The following IQCE variants were observed in gnomAD, a reference collection of about 807,000 sequenced individuals.
IQCE encodes the protein IQ domain-containing protein E.
A neutral mutation model predicts 96.0 loss-of-function variants in IQCE; 115 were observed. The ratio of observed to expected loss-of-function variants is 1.20; its 90% CI spans 1.03 to 1.40. The LOEUF (loss-of-function observed/expected upper bound fraction) is 1.40. Among genes scored for constraint, IQCE ranks in the 40% most tolerant of loss-of-function variants. The probability of loss-of-function intolerance (pLI) is 0.00; values close to 1 mark genes in which losing one functional copy is unlikely to be tolerated. For synonymous variants in IQCE, 412 were observed against 371.2 expected (o/e 1.11, Z -1.26); for missense variants, 1,041 against 909.1 (o/e 1.15, Z -1.87).
intron 14 of IQCE, among the ~76,000 whole-genome samples, chr7:2,592,396 C>A (rs906232787): frequency 3.1e-5 from 4 of 130,466 alleles, no homozygotes; most frequent in Non-Finnish European, 5.4e-5. Context: ...TGTCAAGTGG[C>A]GTGACAAGAG....
At chr7:2,578,651 A>C in intron 8 of IQCE, 125 bp downstream of exon 8, 1 of 1,001,842 alleles carries the variant, frequency 1.0e-6, no homozygotes, top group Non-Finnish European at 1.5e-6. Context: ...GAGGCTGCGG[A>C]CCCCCAAACC....
intron 12 of IQCE, among the ~76,000 whole-genome samples, chr7:2,587,375 G>GC (rs1312700220): frequency 6.6e-6 from 1 of 151,680 alleles, no homozygotes; most frequent in Non-Finnish European, 1.5e-5. Flanking sequence ...AGTGAGAGGA[G>GC]CAGGGGGTCA....
At position 2,590,069 on chromosome 7, in the gene IQCE, G is replaced by C; in HGVS notation, c.1207G>C (p.Glu403Gln). 1 of 1,613,370 alleles carries C rather than the reference G, an allele frequency of 6.2e-7. No homozygotes were observed. The highest frequency in any genetic ancestry group is 8.5e-7 in the Non-Finnish European group (1 of 1,179,890). Residue 403 changes from glutamate to glutamine, a missense_variant, in exon 14 of 22, where the codon GAG becomes CAG. By Grantham distance (29) the Glu-to-Gln change is conservative. Coordinates refer to ENST00000402050, the MANE Select transcript of IQCE (RefSeq NM_152558.5). ...LRGAVRDLKE[E>Q]RTALQEQLLQ... is the part of the protein sequence containing the mutation. ...AGGGGCTGTGAGAGACCTGAAGGAA[G>C]AGCGGACCGCGCTGCAGGAGCAGCT...
At chr7:2,563,880 C>T (rs1276262203) in intron 1 of IQCE, among the ~76,000 whole-genome samples, 1 of 119,878 alleles carries the variant, frequency 8.3e-6, no homozygotes, top group South Asian at 2.7e-4. Context: ...GGTGAGAGAG[C>T]GAGACTCCAT....
At chr7:2,583,582 T>C in intron 9 of IQCE, 55 bp from the exon 10 acceptor site, 1 of 1,378,790 alleles carries the variant, frequency 7.3e-7, no homozygotes, top group Non-Finnish European at 1.0e-6. Flanking sequence ...TTCCTCTTGC[T>C]CTGTCCCCTG....
intron 1 of IQCE, among the ~76,000 whole-genome samples, chr7:2,559,765 T>TGGGGGGGG (rs59372092): frequency 1.4e-4 from 5 of 34,856 alleles, no homozygotes; most frequent in African/African-American, 1.3e-4. Context: ...TGCATTCCAG[T>TGGGGGGGG]GGGGGGGGGG....
intron 3 of IQCE, 125 bp from the exon 4 acceptor site, chr7:2,571,396 TGCCAG>T: frequency 1.8e-6 from 2 of 1,123,850 alleles, no homozygotes; most frequent in Admixed American, 4.3e-5. Flanking sequence ...TTTTCATTTT[TGCCAG>T]AATGTTTGAC....
intron 13 of IQCE, among the ~76,000 whole-genome samples, chr7:2,588,899 C>T (rs1583464059): frequency 6.6e-6 from 1 of 151,708 alleles, no homozygotes; most frequent in South Asian, 2.1e-4. Flanking sequence ...CTCCTGACTT[C>T]AAGTGATCTG....
In IQCE at chr7:2,567,196, C is replaced by T. The variant is rs1213300768; in HGVS notation, c.84+33C>T. The T allele has an allele frequency of 1.8e-5, 28 of 1,594,382 alleles. No homozygotes were observed. The East Asian group carries it at 2.7e-4, about 15-fold the overall frequency. ...CCGCTGGGTGTCAGCCGTGCGACCT[C>T]GGGCTGGTTGCGCTGCCCTTGCAGA... On this transcript the variant is annotated intron_variant, in intron 2 of 21. Transcript: ENST00000402050.
intron 1 of IQCE, among the ~76,000 whole-genome samples, chr7:2,561,415 T>C (rs1780944780): frequency 6.6e-6 from 1 of 151,628 alleles, no homozygotes. Flanking sequence ...TGCTAATATA[T>C]ACAATAATTT....
intron 6 of IQCE, among the ~76,000 whole-genome samples, chr7:2,577,926 G>T (rs62636113): frequency 9.5e-6 from 1 of 105,806 alleles, no homozygotes; most frequent in Non-Finnish European, 2.1e-5. Flanking sequence ...GCGCGGGGAC[G>T]TGTGTGCGGC....
At chr7:2,586,399 G>A in intron 12 of IQCE, 28 bp downstream of exon 12, 2 of 1,516,296 alleles carry the variant, frequency 1.3e-6, no homozygotes, top group Non-Finnish European at 8.8e-7. Flanking sequence ...ACTCCAGGAG[G>A]GAGGCCAGGG....
Position 2,601,440 on chromosome 7 carries a change from GAAAA to G in IQCE, c.1613_1616del (p.Lys538ArgfsTer25), listed in dbSNP as rs759821884. On this transcript the variant is annotated frameshift_variant and splice_region_variant, in exon 18 of 22. Transcript: ENST00000402050. LOFTEE classifies it high-confidence loss of function. ...TTTTTTCTTTCTTTTTTTTTTTCCA[GAAAA>G]AAAAGGCTGTTCTGGATGAGGTAAG... is the stretch of plus-strand genomic sequence containing the variant. 6.6e-7 allele frequency: 1 copy of G among 1,520,440 alleles called. No homozygotes were observed. Among genetic ancestry groups the G allele is most frequent in the Non-Finnish European group, 9.0e-7 (1 of 1,114,270 alleles). The allele number at this position is 1,520,440 out of a possible 1,614,324, so 94.2% of individuals were successfully genotyped here. A position where few individuals can be genotyped will look rare whatever the true frequency, so the allele number is the denominator to read the frequency against.
intron 21 of IQCE, chr7:2,607,607 C>T (rs893987463): frequency 4.2e-5 from 48 of 1,136,992 alleles, no homozygotes; most frequent in East Asian, 2.5e-4. Flanking sequence ...AAGCCGCTGG[C>T]ACTGCAGGAT....
At position 2,594,912 on chromosome 7, in the gene IQCE, A is replaced by G. The variant is rs2128463194; in HGVS notation, c.1376A>G (p.Lys459Arg). 1.2e-6 allele frequency: 2 copies of G among 1,613,960 alleles called. No homozygotes were observed. The highest frequency in any genetic ancestry group is 2.2e-5 in the East Asian group (1 of 44,880). Residue 459 changes from lysine (K) to arginine (R), a missense_variant, in exon 16 of 22, where the codon AAG (lysine) becomes AGG (arginine). Lys to Arg is a conservative substitution (Grantham distance 26, BLOSUM62 2). Coordinates refer to ENST00000402050, the MANE Select transcript of IQCE (RefSeq NM_152558.5). The stretch of plus-strand genomic sequence containing the variant: ...GAGGAGATTCAGACACTTACCAGCA[A>G]GCTCCAAGAATTGCAAGAAATGAAG... The part of the protein sequence containing the change: ...LREEIQTLTS[K>R]LQELQEMKKE...
chr7:2,573,862 A>T (rs754487269), intron 6 of IQCE, among the ~76,000 whole-genome samples: 7 of 152,176 alleles, frequency 4.6e-5, no homozygotes, highest in Non-Finnish European at 1.0e-4. Flanking sequence ...TGTTATCAAG[A>T]CATCTCACAT....
chr7:2,579,634 TAAC>T (rs1431760368), intron 8 of IQCE, among the ~76,000 whole-genome samples: 1 of 152,100 alleles, frequency 6.6e-6, no homozygotes, highest in African/African-American at 2.4e-5. Flanking sequence ...AGTAAATCCT[TAAC>T]AAATGCCTGT....
Position 2,590,040 on chromosome 7 carries a change from T to C in IQCE, c.1178T>C (p.Leu393Pro). The C allele has an allele frequency of 6.2e-7, 1 of 1,613,638 alleles. No individual in the cohort carries two copies. Among genetic ancestry groups the C allele is most frequent in the Non-Finnish European group, 8.5e-7 (1 of 1,179,952 alleles). The change falls in exon 14 of 22, where the codon CTC (leucine) becomes CCC (proline). Residue 393 changes from leucine to proline, a missense_variant. Leu to Pro is a moderately conservative substitution (Grantham distance 98, BLOSUM62 -3). Transcript: ENST00000402050. ...RGDRNKDHER[L>P]RGAVRDLKEE... ...GACCGCAACAAGGACCACGAGCGTCTCCGAGGGGCTGTGAGAGACCTGAAG... is the reference window on the plus strand; with the variant it reads ...GACCGCAACAAGGACCACGAGCGTCCCCGAGGGGCTGTGAGAGACCTGAAG...
chr7:2,564,268 G>A (rs1488425356), intron 1 of IQCE, among the ~76,000 whole-genome samples: 5 of 151,738 alleles, frequency 3.3e-5, no homozygotes, highest in South Asian at 2.1e-4. Flanking sequence ...TTGTGATTTC[G>A]TCTTAGACCC....
Sources: allele counts gnomAD v4.1 joint callset (sites outside exome capture counted in the v4.1 genomes callset), GRCh38; gene constraint gnomAD v4.1.1; transcripts MANE v1.5; gene names NCBI Gene and HGNC (gene_info 2026-07-23, HGNC 2026-07-21).